Variants in CACNA2D1 observed in about 807,000 individuals in gnomAD.
CACNA2D1 encodes voltage-dependent calcium channel subunit alpha-2/delta-1.
A neutral mutation model predicts 171.5 loss-of-function variants in CACNA2D1; 53 were observed. The ratio of observed to expected loss-of-function variants is 0.31; its 90% CI spans 0.25 to 0.39. The LOEUF is 0.39. Among genes scored for constraint, CACNA2D1 ranks in the 10% least tolerant of loss-of-function variants. The probability of loss-of-function intolerance (pLI) is 1.00; values close to 1 mark genes in which losing one functional copy is unlikely to be tolerated. For synonymous variants in CACNA2D1, 442 were observed against 443.1 expected (o/e 1.00, Z 0.03); for missense variants, 903 against 1,299.8 (o/e 0.69, Z 4.69).
intron 13 of CACNA2D1, among the ~76,000 whole-genome samples, chr7:82,013,929 T>C (rs924184566): frequency 1.3e-5 from 2 of 152,056 alleles, no homozygotes; most frequent in African/African-American, 4.8e-5. Flanking sequence ...AATTAACATA[T>C]GTTTTTCTCA....
chr7:82,112,076 C>G (rs1464820159), intron 6 of CACNA2D1, among the ~76,000 whole-genome samples: 1 of 152,024 alleles, frequency 6.6e-6, no homozygotes, highest in Non-Finnish European at 1.5e-5. Context: ...AATATTAACT[C>G]TATAGTTTCT....
At chr7:82,238,309 C>T (rs1803856449) in intron 3 of CACNA2D1, among the ~76,000 whole-genome samples, 1 of 152,010 alleles carries the variant, frequency 6.6e-6, no homozygotes, top group Non-Finnish European at 1.5e-5. Flanking sequence ...AACCAATCAT[C>T]TACAACATAG....
chr7:82,377,709 C>A (rs1294075414), intron 1 of CACNA2D1, among the ~76,000 whole-genome samples: 1 of 152,176 alleles, frequency 6.6e-6, no homozygotes, highest in African/African-American at 2.4e-5. Flanking sequence ...GCCACATGAT[C>A]ATAAGGCCTC....
chr7:82,306,387 G>A (rs536226259), intron 3 of CACNA2D1, among the ~76,000 whole-genome samples: 1 of 152,318 alleles, frequency 6.6e-6, no homozygotes, highest in East Asian at 1.9e-4. Flanking sequence ...AGAAGAAGGG[G>A]ATTTTGCTGT....
At chr7:81,963,024 A>G (rs1794328020) in intron 34 of CACNA2D1, among the ~76,000 whole-genome samples, 1 of 152,034 alleles carries the variant, frequency 6.6e-6, no homozygotes, top group East Asian at 1.9e-4. Flanking sequence ...TCAGTTTTAC[A>G]GTAACTGACA....
At position 82,292,625 on chromosome 7, in the gene CACNA2D1, G is replaced by C. The variant is rs1484648701; in HGVS notation, c.294+42510C>G. Reference sequence around the variant, plus strand: ...CTTTAGCTTCCAGTGTTATTAAAAAGTCTACTGCCTTTTTGACTATTATTC... The same window carrying C: ...CTTTAGCTTCCAGTGTTATTAAAAACTCTACTGCCTTTTTGACTATTATTC... On this transcript the variant is annotated intron_variant, in intron 3 of 38. Transcript: ENST00000356860. 2.0e-5 allele frequency among the ~76,000 whole-genome samples: 3 copies of C among 152,060 alleles called. No individual in the cohort carries two copies. The East Asian group carries it at 5.8e-4, about 30-fold the overall frequency.
In CACNA2D1 at chr7:82,032,854, C is replaced by A; in HGVS notation, c.1086G>T (p.Thr362=). The change falls in exon 12 of 39, where the codon ACG becomes ACT. Residue 362 remains threonine (T), a synonymous_variant. Transcript: ENST00000356860. ...CCTGGGCTCTCTCTTCTCCTCCATCCGTGAATAGCATAATAATCTTATTGC... is the reference window on the plus strand; with the variant it reads ...CCTGGGCTCTCTCTTCTCCTCCATCAGTGAATAGCATAATAATCTTATTGC... ...ANCNKIIMLF[T]DGGEERAQEI... is the part of the protein sequence containing the mutation. The A allele has an allele frequency of 6.2e-7, 1 of 1,603,354 alleles. No individual in the cohort carries two copies. Among genetic ancestry groups the A allele is most frequent in the Non-Finnish European group, 8.5e-7 (1 of 1,171,298 alleles).
At chr7:82,378,936 C>CGTG (rs1823337220) in intron 1 of CACNA2D1, among the ~76,000 whole-genome samples, 1 of 112,334 alleles carries the variant, frequency 8.9e-6, no homozygotes, top group African/African-American at 3.6e-5. Context: ...CAGGGGTTGA[C>CGTG]TCGTGTGTGT....
At chr7:82,393,160 A>G (rs1825383379) in intron 1 of CACNA2D1, among the ~76,000 whole-genome samples, 1 of 108,264 alleles carries the variant, frequency 9.2e-6, no homozygotes, top group Non-Finnish European at 1.8e-5. Flanking sequence ...GCAGGCAGGG[A>G]GGGAGGCCGG....
intron 5 of CACNA2D1, among the ~76,000 whole-genome samples, chr7:82,122,184 T>C (rs1235069598): frequency 6.6e-6 from 1 of 152,072 alleles, no homozygotes; most frequent in Non-Finnish European, 1.5e-5. Context: ...GTAGGGAATA[T>C]TAAAACAAAG....
chr7:82,383,893 C>A (rs568236590), intron 1 of CACNA2D1, among the ~76,000 whole-genome samples: 2 of 152,258 alleles, frequency 1.3e-5, no homozygotes, highest in Admixed American at 1.3e-4. Context: ...CCTCTTCACA[C>A]TGACACATGT....
intron 3 of CACNA2D1, among the ~76,000 whole-genome samples, chr7:82,286,643 G>A (rs562739613): frequency 1.3e-5 from 2 of 152,182 alleles, no homozygotes; most frequent in Admixed American, 6.5e-5. Flanking sequence ...GATTATTGAC[G>A]TAGCAAAGCC....
chr7:82,396,367 A>T (rs1429641813), intron 1 of CACNA2D1, among the ~76,000 whole-genome samples: 1 of 152,186 alleles, frequency 6.6e-6, no homozygotes, highest in Non-Finnish European at 1.5e-5. Flanking sequence ...TCTCTTTCCA[A>T]ATCCAGGTTT....
At chr7:82,287,848 G>GTT (rs5885282) in intron 3 of CACNA2D1, among the ~76,000 whole-genome samples, 21 of 149,908 alleles carry the variant, frequency 1.4e-4, no homozygotes, top group East Asian at 9.8e-4. Flanking sequence ...ACTTTTTTTT[G>GTT]TTTTTTTTTG....
Position 82,349,030 on chromosome 7 carries a change from C to T in CACNA2D1, c.177+538G>A, listed in dbSNP as rs118008600. Among the ~76,000 whole-genome samples, 777 of 152,142 alleles carry T rather than the reference C, an allele frequency of 5.1e-3. 20 individuals carry two copies. The East Asian group carries it at 0.081, about 16-fold the overall frequency. ...TGACTTTCATAGCTAATTCATAAGT[C>T]ACAAGAAAAATCGTCTTTTATAGAG... is the stretch of plus-strand genomic sequence containing the variant. On this transcript the variant is annotated intron_variant, in intron 2 of 38. Coordinates refer to ENST00000356860, the MANE Select transcript of CACNA2D1 (RefSeq NM_000722.4).
chr7:82,374,790 C>CAAAA (rs370914675), intron 1 of CACNA2D1, among the ~76,000 whole-genome samples: 6 of 148,504 alleles, frequency 4.0e-5, no homozygotes, highest in Non-Finnish European at 6.0e-5. Context: ...AAATGCCCCC[C>CAAAA]AAAAAAAGAA....
At chr7:82,037,991 C>G in intron 11 of CACNA2D1, 86 bp downstream of exon 11, 1 of 1,307,614 alleles carries the variant, frequency 7.6e-7, no homozygotes, top group South Asian at 1.2e-5. Context: ...CTATCTAATC[C>G]CAGAGAGTAG....
rs920683740 is a variant in CACNA2D1, at chr7:82,372,959, C to T, written c.96-23310G>A. On this transcript the variant is annotated intron_variant, in intron 1 of 38. Coordinates refer to ENST00000356860, the MANE Select transcript of CACNA2D1 (RefSeq NM_000722.4). ...CAGCACTTTGGGAAGCCAAGGCAGG[C>T]GGATCACTGGACGTCAGGAGTTCGA... is the stretch of plus-strand genomic sequence containing the variant. Among the ~76,000 whole-genome samples, 5 of 152,220 alleles carry T rather than the reference C, an allele frequency of 3.3e-5. No individual in the cohort carries two copies. In the East Asian group the frequency reaches 5.8e-4, roughly 18 times the overall value.
chr7:82,304,320 A>T (rs1248834385), intron 3 of CACNA2D1, among the ~76,000 whole-genome samples: 2 of 151,680 alleles, frequency 1.3e-5, no homozygotes, highest in Non-Finnish European at 2.9e-5. Context: ...CTACCATATT[A>T]TCCAATAATC....
Sources: gnomAD v4.1 joint callset for allele counts (sites outside exome capture counted in the v4.1 genomes callset) on GRCh38, gnomAD v4.1.1 for gene constraint, MANE v1.5 for transcripts, NCBI Gene and HGNC (gene_info 2026-07-23, HGNC 2026-07-21) for gene names.